The following COMMD1 variants were observed in gnomAD, a reference collection of about 807,000 sequenced individuals.
The protein encoded by COMMD1 is COMM domain-containing protein 1.
A neutral mutation model predicts 17.2 loss-of-function variants in COMMD1; 10 were observed. The ratio of observed to expected loss-of-function variants is 0.58; its 90% CI spans 0.36 to 0.99. COMMD1 has a LOEUF of 0.99. COMMD1 is among the 50% of genes least tolerant of loss of function. The probability of loss-of-function intolerance (pLI) is 0.01; values close to 1 mark genes in which losing one functional copy is unlikely to be tolerated. For synonymous variants in COMMD1, 97 were observed against 91.6 expected (o/e 1.06, Z -0.34); for missense variants, 270 against 231.8 (o/e 1.17, Z -1.07).
At chr2:61,909,751 CAA>C (rs574930785) in intron 1 of COMMD1, among the ~76,000 whole-genome samples, 156 of 152,256 alleles carry the variant, frequency 1.0e-3, no homozygotes, top group African/African-American at 3.4e-3. Context: ...TGAAGGGTGA[CAA>C]GAGGGTAGAA....
intron 2 of COMMD1, among the ~76,000 whole-genome samples, chr2:62,122,971 C>G (rs764534830): frequency 6.6e-6 from 1 of 152,190 alleles, no homozygotes; most frequent in Admixed American, 6.5e-5. Flanking sequence ...TAAATTCAGA[C>G]TTTGGTTTTT....
intron 1 of COMMD1, among the ~76,000 whole-genome samples, chr2:61,928,363 A>G (rs1370127344): frequency 1.3e-5 from 2 of 151,770 alleles, no homozygotes; most frequent in Non-Finnish European, 2.9e-5. Context: ...GTTTCACTTC[A>G]TTGCCCAGGC....
chr2:62,014,663 G>A (rs895547625), intron 2 of COMMD1, among the ~76,000 whole-genome samples: 1 of 132,378 alleles, frequency 7.6e-6, no homozygotes, highest in Non-Finnish European at 1.5e-5. Context: ...CTGGGTTCAG[G>A]CGATTCTTCT....
chr2:62,087,812 G>A (rs1008998722), intron 2 of COMMD1, among the ~76,000 whole-genome samples: 1 of 152,186 alleles, frequency 6.6e-6, no homozygotes, highest in Non-Finnish European at 1.5e-5. Flanking sequence ...CCATGTGTTA[G>A]TCCATATGTT....
chr2:61,995,347 T>C (rs891642080), intron 1 of COMMD1, among the ~76,000 whole-genome samples: 2 of 152,252 alleles, frequency 1.3e-5, no homozygotes, highest in African/African-American at 2.4e-5. Flanking sequence ...CTAAACTTGA[T>C]GTACTTTAAT....
intron 1 of COMMD1, among the ~76,000 whole-genome samples, chr2:61,911,073 A>G (rs1669893992): frequency 6.7e-6 from 1 of 149,048 alleles, no homozygotes; most frequent in Non-Finnish European, 1.5e-5. Flanking sequence ...ACAAGAGCGA[A>G]ACCCCATCTA....
chr2:62,105,228 G>A (rs1288639778), intron 2 of COMMD1, among the ~76,000 whole-genome samples: 2 of 151,848 alleles, frequency 1.3e-5, no homozygotes, highest in Non-Finnish European at 2.9e-5. Context: ...TCTTATTATG[G>A]TTGTCAGAAT....
At chr2:61,911,283 T>C (rs1388034160) in intron 1 of COMMD1, among the ~76,000 whole-genome samples, 1 of 152,010 alleles carries the variant, frequency 6.6e-6, no homozygotes, top group Non-Finnish European at 1.5e-5. Context: ...GAGACCAGCC[T>C]GGCCAACATG....
At chr2:61,941,694 A>G (rs1670752568) in intron 1 of COMMD1, among the ~76,000 whole-genome samples, 1 of 152,186 alleles carries the variant, frequency 6.6e-6, no homozygotes, top group South Asian at 2.1e-4. Context: ...GATCACATAC[A>G]TTCATCAGTG....
At chr2:62,113,703 A>C (rs952428429) in intron 2 of COMMD1, among the ~76,000 whole-genome samples, 2 of 152,220 alleles carry the variant, frequency 1.3e-5, no homozygotes, top group Admixed American at 6.5e-5. Context: ...ATTATATTCT[A>C]AGAAATAGAT....
chr2:62,109,291 G>A (rs947978731), intron 2 of COMMD1, among the ~76,000 whole-genome samples: 1 of 152,132 alleles, frequency 6.6e-6, no homozygotes, highest in African/African-American at 2.4e-5. Flanking sequence ...CCCTGATATC[G>A]TTTTTTGGGA....
At chr2:61,908,747 T>C (rs1669834615) in intron 1 of COMMD1, among the ~76,000 whole-genome samples, 3 of 151,396 alleles carry the variant, frequency 2.0e-5, no homozygotes, top group East Asian at 2.0e-4. Context: ...TTTTTGTTTT[T>C]CAGTAGAGAC....
At chr2:62,041,389 T>TA (rs1454574232) in intron 2 of COMMD1, among the ~76,000 whole-genome samples, 1 of 152,106 alleles carries the variant, frequency 6.6e-6, no homozygotes, top group Non-Finnish European at 1.5e-5. Flanking sequence ...AGAAAAGTAA[T>TA]CATTGAGCTG....
chr2:62,122,999 A>G (rs1672788686), intron 2 of COMMD1, among the ~76,000 whole-genome samples: 1 of 152,148 alleles, frequency 6.6e-6, no homozygotes, highest in African/African-American at 2.4e-5. Context: ...TTATCTTGCT[A>G]ATGCCCCCTT....
exon 1 of COMMD1, chr2:61,888,804 C>T: frequency 4.5e-6 from 2 of 445,086 alleles, no homozygotes; most frequent in Non-Finnish European, 4.0e-6. Flanking sequence ...AACCTTTACG[C>T]GAGGCAGCAA....
intron 1 of COMMD1, among the ~76,000 whole-genome samples, chr2:61,936,179 A>C (rs914471994): frequency 6.6e-6 from 1 of 151,956 alleles, no homozygotes; most frequent in Non-Finnish European, 1.5e-5. Flanking sequence ...GTTTTGATGC[A>C]CCTATTAGCG....
rs34009777 is a variant in COMMD1 at position 61,990,903 on chromosome 2, T to TACACACACACACAC, written c.181-9774_181-9761dup. Among the ~76,000 whole-genome samples, 296 of 116,152 alleles carry TACACACACACACAC rather than the reference T, an allele frequency of 2.5e-3. 1 individual carries two copies. The highest frequency in any genetic ancestry group is 7.2e-3 in the South Asian group (23 of 3,200). 76.2% of individuals were successfully genotyped at this position (116,152 alleles called of 152,430 possible). Reference sequence around the variant, plus strand: ...AAAAAAAAAAAAAAATATATATATATACACACACACACACACACACACACA... The same window carrying TACACACACACACAC: ...AAAAAAAAAAAAAAATATATATATATACACACACACACACACACACACACACACACACACACACA... On this transcript the variant is annotated intron_variant, in intron 1 of 2. Transcript: ENST00000311832.
chr2:61,998,523 G>A (rs1289451377), intron 1 of COMMD1, among the ~76,000 whole-genome samples: 1 of 152,058 alleles, frequency 6.6e-6, no homozygotes, highest in Admixed American at 6.6e-5. Flanking sequence ...GCCTCCCAAA[G>A]TGCTGGGATT....
chr2:62,002,136 C>G (rs1668963465), intron 2 of COMMD1, among the ~76,000 whole-genome samples: 1 of 151,474 alleles, frequency 6.6e-6, no homozygotes, highest in African/African-American at 2.4e-5. Flanking sequence ...TGCCATTGCA[C>G]TCCAGCCTGG....
Sources: allele counts gnomAD v4.1 joint callset (sites outside exome capture counted in the v4.1 genomes callset), GRCh38; gene constraint gnomAD v4.1.1; transcripts MANE v1.5; gene names NCBI Gene and HGNC (gene_info 2026-07-23, HGNC 2026-07-21).